Variants in SLC5A10 observed in about 807,000 individuals in gnomAD.
The protein encoded by SLC5A10 is solute carrier family 5 member 10, also known as sodium/mannose cotransporter SLC5A10.
In SLC5A10, 55 loss-of-function variants were observed where a neutral mutation model predicts 68.9. The observed-to-expected ratio is 0.80, with a 90% CI of 0.64 to 1.00. SLC5A10 has a LOEUF of 1.00. Among genes scored for constraint, SLC5A10 ranks in the 50% least tolerant of loss-of-function variants. The pLI is 0.00. For missense variants in SLC5A10, 732 were observed against 819.3 expected (o/e 0.89, Z 1.30); for synonymous variants, 344 against 344.8 (o/e 1.00, Z 0.02).
rs2042867533 is a variant in SLC5A10 at position 18,971,978 on chromosome 17, T to G, written c.846+760T>G. Among the ~76,000 whole-genome samples the G allele has an allele frequency of 6.6e-6, 1 of 152,176 alleles. No homozygotes were observed. Among genetic ancestry groups the G allele is most frequent in the Non-Finnish European group, 1.5e-5 (1 of 68,028 alleles). ...TTGTGGGTGTAGCAAGGCAGCTTCC[T>G]CCCAGCTCACCCCCGCAGCCTCCTC... On this transcript the variant is annotated intron_variant, in intron 8 of 14. Coordinates refer to ENST00000395645, the MANE Select transcript of SLC5A10 (RefSeq NM_001042450.4). The surrounding 1 kb of genome is among the most constrained non-coding windows in gnomAD (Gnocchi z 5.5).
At chr17:18,977,496 A>G in intron 9 of SLC5A10, 11 of 1,289,278 alleles carry the variant, frequency 8.5e-6, no homozygotes, top group Non-Finnish European at 1.1e-5. Context: ...AGTCAGGGAC[A>G]TGGTAGCCCA....
chr17:18,982,216 C>G (rs1453096960), intron 9 of SLC5A10, among the ~76,000 whole-genome samples: 3 of 152,220 alleles, frequency 2.0e-5, no homozygotes, highest in Admixed American at 2.0e-4. Context: ...CCTTAGCACA[C>G]AGCAGGGCGG....
intron 9 of SLC5A10, among the ~76,000 whole-genome samples, chr17:18,990,900 A>G (rs2043405119): frequency 6.6e-6 from 1 of 152,158 alleles, no homozygotes. Flanking sequence ...TTTTATAGAC[A>G]GGAAAGCTGG....
intron 5 of SLC5A10, among the ~76,000 whole-genome samples, chr17:18,966,833 C>G (rs188071028): frequency 6.6e-6 from 1 of 151,758 alleles, no homozygotes; most frequent in African/African-American, 2.4e-5. Flanking sequence ...CTATCTCAGA[C>G]AGTCCCACGG....
At position 18,972,308 on chromosome 17, in the gene SLC5A10, C is replaced by G. The variant is rs1249844742; in HGVS notation, c.846+1090C>G. ...GCCTCTGGACCCAGCCCCAGGGGTCCACCATAGGACAAGGCAGCCACAGCC... is the reference window on the plus strand; with the variant it reads ...GCCTCTGGACCCAGCCCCAGGGGTCGACCATAGGACAAGGCAGCCACAGCC... On this transcript the variant is annotated intron_variant, in intron 8 of 14. Transcript: ENST00000395645. 3.9e-5 allele frequency among the ~76,000 whole-genome samples: 6 copies of G among 152,328 alleles called. 1 individual carries two copies. The highest frequency in any genetic ancestry group is 3.9e-4 in the Admixed American group (6 of 15,298).
At chr17:18,962,559 G>C (rs1196353743) in intron 5 of SLC5A10, among the ~76,000 whole-genome samples, 1 of 152,176 alleles carries the variant, frequency 6.6e-6, no homozygotes, top group Admixed American at 6.5e-5. Flanking sequence ...CCAGTTTTCA[G>C]GGTCTGGCCT....
chr17:18,970,544 G>T (rs928694931), intron 7 of SLC5A10: 2 of 177,602 alleles, frequency 1.1e-5, no homozygotes, highest in South Asian at 2.5e-4. Flanking sequence ...AGGGGGTGGG[G>T]CCACATCACC....
At chr17:18,980,191 G>A (rs552154994) in intron 9 of SLC5A10, among the ~76,000 whole-genome samples, 17 of 152,228 alleles carry the variant, frequency 1.1e-4, no homozygotes, top group Admixed American at 2.6e-4. Context: ...GGCCCTACCC[G>A]GCCTCTCCCC....
intron 9 of SLC5A10, among the ~76,000 whole-genome samples, chr17:19,001,141 C>T (rs984003940): frequency 5.9e-5 from 9 of 152,174 alleles, no homozygotes; most frequent in African/African-American, 1.9e-4. Flanking sequence ...GATTATAAAG[C>T]GCCTCGCACT....
chr17:19,019,940 C>CT lies in SLC5A10; in HGVS notation c.1626+13dup. The CT allele has an allele frequency of 6.3e-7, 1 of 1,587,588 alleles. No homozygotes were observed. Among genetic ancestry groups the CT allele is most frequent in the Non-Finnish European group, 8.6e-7 (1 of 1,167,366 alleles). ...CACAGAGTGTCCAGGTGAGCCAGCC[C>CT]TGACCCCTGACCCTGACCCCTAACA... On this transcript the variant is annotated intron_variant, in intron 13 of 14. Transcript: ENST00000395645.
At position 19,000,190 on chromosome 17, in the gene SLC5A10, C is replaced by T. The variant is rs2043694244; in HGVS notation, c.983-13220C>T. Among the ~76,000 whole-genome samples, 1 of 152,178 alleles carries T rather than the reference C, an allele frequency of 6.6e-6. No homozygotes were observed. On this transcript the variant is annotated intron_variant, in intron 9 of 14. Coordinates refer to ENST00000395645, the MANE Select transcript of SLC5A10 (RefSeq NM_001042450.4). The surrounding 1 kb of genome is among the most constrained non-coding windows in gnomAD (Gnocchi z 5.2). ...GGCTAGGGGAGGGGCAGGCAGTTGACCTTCCATCTTGGAGTAGGAGCCCAC... is the reference window on the plus strand; with the variant it reads ...GGCTAGGGGAGGGGCAGGCAGTTGATCTTCCATCTTGGAGTAGGAGCCCAC...
chr17:18,982,599 G>A (rs1036056991), intron 9 of SLC5A10, among the ~76,000 whole-genome samples: 1 of 152,276 alleles, frequency 6.6e-6, no homozygotes, highest in East Asian at 1.9e-4. Flanking sequence ...GAGGACGGCC[G>A]GGTGGTGCTT....
At chr17:18,988,128 TG>T (rs2043316002) in intron 9 of SLC5A10, 2 of 1,445,474 alleles carry the variant, frequency 1.4e-6, no homozygotes, top group African/African-American at 2.8e-5. Flanking sequence ...CTAGGATTAC[TG>T]GACTCTGAGT....
chr17:19,014,990 G>A, intron 10 of SLC5A10, 59 bp from the exon 11 acceptor site: 3 of 1,573,700 alleles, frequency 1.9e-6, no homozygotes, highest in Non-Finnish European at 2.6e-6. Flanking sequence ...CCAGGCGGGA[G>A]GGGTTCCCGG....
intron 4 of SLC5A10, 136 bp from the exon 5 acceptor site, chr17:18,960,412 G>C (rs574198326): frequency 1.3e-6 from 1 of 780,054 alleles, no homozygotes; most frequent in East Asian, 2.5e-5. Context: ...TAAGGGGTCA[G>C]TGCCTGGGCC....
intron 7 of SLC5A10, 103 bp from the exon 8 acceptor site, chr17:18,970,910 T>G: frequency 1.9e-6 from 2 of 1,071,216 alleles, no homozygotes; most frequent in Non-Finnish European, 2.8e-6. Flanking sequence ...AACTCAAGTT[T>G]GATGCATCAG....
Position 19,000,332 on chromosome 17 carries a change from G to A in SLC5A10, c.983-13078G>A, listed in dbSNP as rs921555275. Among the ~76,000 whole-genome samples the A allele has an allele frequency of 2.0e-5, 3 of 152,164 alleles. No homozygotes were observed. Reference sequence around the variant, plus strand: ...GGCAGCAAGGTGTCAGGGCTGAAGGGGCCCCTAACAGTCTTCAATACCTGT... The same window carrying A: ...GGCAGCAAGGTGTCAGGGCTGAAGGAGCCCCTAACAGTCTTCAATACCTGT... On this transcript the variant is annotated intron_variant, in intron 9 of 14. Transcript: ENST00000395645. The surrounding 1 kb of genome is among the most constrained non-coding windows in gnomAD (Gnocchi z 5.2).
Position 18,976,860 on chromosome 17 carries a change from G to A in SLC5A10, c.853G>A (p.Val285Met), listed in dbSNP as rs765865991. Residue 285 changes from valine to methionine, a missense_variant, in exon 9 of 15, where the codon GTG becomes ATG. Transcript: ENST00000395645. ...TWYWCTDQVI[V>M]QRSLSARDLN... ...TCTCGCACTCCACCCCCAGGTCATC[G>A]TGCAGCGATCACTGTCAGCCCGGGA... 1.7e-5 allele frequency: 28 copies of A among 1,613,308 alleles called. No individual in the cohort carries two copies. The highest frequency in any genetic ancestry group is 1.2e-4 in the Admixed American group (7 of 60,012).
chr17:19,018,973 A>T lies in SLC5A10; in HGVS notation c.1242-450A>T, dbSNP rs1431523591. 6.1e-6 allele frequency: 1 copy of T among 163,998 alleles called. No individual in the cohort carries two copies. Among genetic ancestry groups the T allele is most frequent in the Non-Finnish European group, 1.3e-5 (1 of 76,402 alleles). The allele number at this position is 163,998 out of a possible 1,614,324, so 10.2% of individuals were successfully genotyped here. The stretch of plus-strand genomic sequence containing the variant: ...CTCACCAAATGCTTAGTAAGCACCT[A>T]CTATATGCTGGGAGACACAGCAATG... On this transcript the variant is annotated intron_variant, in intron 11 of 14. Coordinates refer to ENST00000395645, the MANE Select transcript of SLC5A10 (RefSeq NM_001042450.4). The surrounding 1 kb of genome is among the most constrained non-coding windows in gnomAD (Gnocchi z 4.2).
Sources: allele counts gnomAD v4.1 joint callset (sites outside exome capture counted in the v4.1 genomes callset), GRCh38; gene constraint gnomAD v4.1.1; non-coding constraint Gnocchi (gnomAD v3.1); transcripts MANE v1.5; gene names NCBI Gene and HGNC (gene_info 2026-07-23, HGNC 2026-07-21).